The following PLA2G4C variants were observed in gnomAD, a reference collection of about 807,000 sequenced individuals.
PLA2G4C encodes the protein phospholipase A2 group IVC.
Under a neutral mutation model 73.8 loss-of-function variants are expected in PLA2G4C, and 64 were observed. That is an observed-to-expected ratio of 0.87 (90% confidence interval 0.71 to 1.07). The LOEUF is 1.07. Ranked by LOEUF, PLA2G4C falls within the 50% of genes least tolerant of loss-of-function variation. The pLI is 0.00. For missense variants in PLA2G4C, 622 were observed against 665.4 expected, an observed-to-expected ratio of 0.93 and a Z score of 0.72; for synonymous variants, 254 against 252.1, an observed-to-expected ratio of 1.01 and a Z score of -0.07.
At position 48,104,444 on chromosome 19, in the gene PLA2G4C, T is replaced by C. The variant is rs959679950; in HGVS notation, c.257+144A>G. The C allele has an allele frequency of 6.8e-6, 5 of 737,638 alleles. No homozygotes were observed. The African/African-American group carries it at 8.8e-5, about 13-fold the overall frequency. The allele number at this position is 737,638 out of a possible 1,614,324, so 45.7% of individuals were successfully genotyped here. A position where few individuals can be genotyped will look rare whatever the true frequency, so the allele number is the denominator to read the frequency against. ...GAACTCCAGGTAGCCAGCGTCAGAA[T>C]TGCTCAGAATTGTAGGACACCCAGC... On this transcript the variant is annotated intron_variant, in intron 4 of 16. Coordinates refer to ENST00000599921, the MANE Select transcript of PLA2G4C (RefSeq NM_003706.3).
chr19:48,091,883 C>CAAAAAAAAAAAAAA (rs35118449), intron 7 of PLA2G4C, among the ~76,000 whole-genome samples: 1 of 21,104 alleles, frequency 4.7e-5, no homozygotes, highest in Admixed American at 7.6e-4. Context: ...GACTCCATCT[C>CAAAAAAAAAAAAAA]AAAAAAAAAA....
In PLA2G4C at chr19:48,052,986, C is replaced by T; in HGVS notation, c.1580+11G>A. Reference sequence around the variant, plus strand: ...GCATAGGCATCAGAGCGACTATGGTCTCCCACCTACCCGGCCACGTTCATC... The same window carrying T: ...GCATAGGCATCAGAGCGACTATGGTTTCCCACCTACCCGGCCACGTTCATC... On this transcript the variant is annotated intron_variant, in intron 16 of 16. Transcript: ENST00000599921. 1.3e-6 allele frequency: 2 copies of T among 1,598,800 alleles called. No individual in the cohort carries two copies. The highest frequency in any genetic ancestry group is 1.7e-6 in the Non-Finnish European group (2 of 1,168,330).
chr19:48,090,632 T>A, intron 7 of PLA2G4C: 2 of 554,538 alleles, frequency 3.6e-6, no homozygotes, highest in Non-Finnish European at 6.5e-6. Flanking sequence ...ACAGATAAAG[T>A]CCTTGTCCTC....
At chr19:48,098,411 A>C in intron 5 of PLA2G4C, 152 bp from the exon 6 acceptor site, 1 of 598,754 alleles carries the variant, frequency 1.7e-6, no homozygotes, top group Non-Finnish European at 2.7e-6. Flanking sequence ...CTACAGCCTC[A>C]ACCTCCTGGG....
At chr19:48,087,917 C>T (rs1356501269) in intron 9 of PLA2G4C, among the ~76,000 whole-genome samples, 1 of 141,728 alleles carries the variant, frequency 7.1e-6, no homozygotes, top group African/African-American at 2.6e-5. Flanking sequence ...GCCTGGGCAA[C>T]AAGAGCCAAA....
In PLA2G4C at chr19:48,061,999, T is replaced by G. The variant is rs985663937; in HGVS notation, c.1256A>C (p.Glu419Ala). The G allele has an allele frequency of 1.5e-5, 24 of 1,613,330 alleles. No individual in the cohort carries two copies. The highest frequency in any genetic ancestry group is 7.7e-5 in the South Asian group (7 of 91,054). ...SFDFSAGDPF[E>A]TIRATTDYCR... ...GGCCCCAAAGCCCTTCTCGATTACC[T>G]CGAAAGGATCTCCGGCACTGAAGTC... is the stretch of plus-strand genomic sequence containing the variant. The change falls in exon 14 of 17, where the codon GAG becomes GCG. Residue 419 changes from glutamate (E) to alanine (A), a missense_variant and splice_region_variant. Glu to Ala is a moderately radical substitution (Grantham distance 107). Transcript: ENST00000599921.
chr19:48,053,393 G>A (rs113955056), intron 15 of PLA2G4C, among the ~76,000 whole-genome samples: 3,886 of 120,496 alleles, frequency 0.032, 179 homozygotes, highest in African/African-American at 0.12. Flanking sequence ...TTTTGAGACA[G>A]AGGCTCGCTC....
At chr19:48,071,027 G>C (rs1049495226) in intron 12 of PLA2G4C, among the ~76,000 whole-genome samples, 3 of 152,136 alleles carry the variant, frequency 2.0e-5, no homozygotes, top group East Asian at 1.9e-4. Context: ...TAGATAGATA[G>C]AGATAGATAG....
At position 48,053,025 on chromosome 19, in the gene PLA2G4C, T is replaced by A. The variant is rs773633419; in HGVS notation, c.1552A>T (p.Ile518Phe). ...KKNVRENKKK[I>F]LRELMNVAGL... ...GCCACGTTCATCAACTCTCTAAGGA[T>A]CTTCTTCTTGTTTTCCCTGACATTC... The change falls in exon 16 of 17, where the codon ATC (isoleucine) becomes TTC (phenylalanine). Residue 518 changes from isoleucine (I) to phenylalanine (F), a missense_variant. By Grantham distance (21) the Ile-to-Phe change is conservative (BLOSUM62 0). Coordinates refer to ENST00000599921, the MANE Select transcript of PLA2G4C (RefSeq NM_003706.3). 4 of 1,613,166 alleles carry A rather than the reference T, an allele frequency of 2.5e-6. No homozygotes were observed. Among genetic ancestry groups the A allele is most frequent in the Non-Finnish European group, 2.5e-6 (3 of 1,179,368 alleles).
intron 14 of PLA2G4C, among the ~76,000 whole-genome samples, chr19:48,057,582 C>G (rs11879892): frequency 0.042 from 5,767 of 137,814 alleles, 210 homozygotes; most frequent in African/African-American, 0.084. Flanking sequence ...CTCCGCCTCC[C>G]AGATTCAAGC....
intron 6 of PLA2G4C, chr19:48,096,977 G>C (rs945969505): frequency 6.6e-6 from 1 of 152,036 alleles, no homozygotes; most frequent in Non-Finnish European, 1.5e-5. Context: ...CCAACAGGGA[G>C]AAACCACGTC....
At chr19:48,100,603 TA>T (rs745962740) in intron 4 of PLA2G4C, among the ~76,000 whole-genome samples, 159 of 40,660 alleles carry the variant, frequency 3.9e-3, no homozygotes, top group African/African-American at 0.014. Flanking sequence ...TGACTCCATC[TA>T]AAAAAAAAAA....
At chr19:48,104,415 A>G in intron 4 of PLA2G4C, 173 bp downstream of exon 4, 1 of 607,390 alleles carries the variant, frequency 1.6e-6, no homozygotes, top group Non-Finnish European at 2.8e-6. Flanking sequence ...GTGGAATCTG[A>G]TGTGAACTCC....
At chr19:48,077,707 T>C in intron 11 of PLA2G4C, 64 bp downstream of exon 11, 1 of 1,204,346 alleles carries the variant, frequency 8.3e-7, no homozygotes, top group South Asian at 1.4e-5. Flanking sequence ...GGACAATGGC[T>C]GGCTTCAAGC....
intron 10 of PLA2G4C, among the ~76,000 whole-genome samples, chr19:48,083,398 T>C (rs1159398908): frequency 3.5e-5 from 5 of 142,500 alleles, no homozygotes; most frequent in African/African-American, 1.4e-4. Context: ...TTTTCTTTTT[T>C]TTTTTTTTTT....
At chr19:48,068,843 A>G (rs1968550393) in intron 12 of PLA2G4C, among the ~76,000 whole-genome samples, 1 of 152,030 alleles carries the variant, frequency 6.6e-6, no homozygotes, top group African/African-American at 2.4e-5. Flanking sequence ...ATCCCTCTGC[A>G]AGCCATGGAG....
chr19:48,109,839 C>T (rs1233574265), intron 1 of PLA2G4C, among the ~76,000 whole-genome samples: 1 of 151,488 alleles, frequency 6.6e-6, no homozygotes, highest in Non-Finnish European at 1.5e-5. Flanking sequence ...TTAGTTGAGA[C>T]GGGGTTTCAC....
At chr19:48,095,426 C>T (rs1349351906) in intron 7 of PLA2G4C, 38 bp downstream of exon 7, 5 of 1,602,352 alleles carry the variant, frequency 3.1e-6, no homozygotes, top group Non-Finnish European at 4.3e-6. Flanking sequence ...TCCTCCACTT[C>T]CCACCCCCTT....
chr19:48,090,185 C>T (rs2031216678), intron 8 of PLA2G4C, 179 bp downstream of exon 8: 1 of 597,992 alleles, frequency 1.7e-6, no homozygotes, highest in Non-Finnish European at 3.0e-6. Flanking sequence ...GGAGTCTGTA[C>T]TCTCATCCAC....
Sources: gnomAD v4.1 joint callset for allele counts (sites outside exome capture counted in the v4.1 genomes callset) on GRCh38, gnomAD v4.1.1 for gene constraint, MANE v1.5 for transcripts, NCBI Gene and HGNC (gene_info 2026-07-23, HGNC 2026-07-21) for gene names.